SCRG1: variants seen among roughly 807,000 people sequenced by gnomAD.
The protein encoded by SCRG1 is scrapie-responsive protein 1.
A neutral mutation model predicts 7.7 loss-of-function variants in SCRG1; 3 were observed. That is an observed-to-expected ratio of 0.39 (90% CI 0.18 to 1.01). SCRG1 has a LOEUF of 1.01. SCRG1 is among the 50% of genes least tolerant of loss of function. The probability of loss-of-function intolerance (pLI) is 0.36; values close to 1 mark genes in which losing one functional copy is unlikely to be tolerated. For synonymous variants in SCRG1, 46 were observed against 41.2 expected (o/e 1.12, Z -0.44); for missense variants, 110 against 117.2 (o/e 0.94, Z 0.28).
chr4:173,479,508 T>A, the SCRG1 span, among the ~76,000 whole-genome samples: 1 of 149,430 alleles, frequency 6.7e-6, no homozygotes, highest in East Asian at 2.1e-4. Flanking sequence ...TGGCATGATC[T>A]AGGATCACTG....
At chr4:173,486,186 A>G in the SCRG1 span, among the ~76,000 whole-genome samples, 12 of 152,266 alleles carry the variant, frequency 7.9e-5, no homozygotes, top group Non-Finnish European at 1.6e-4. Flanking sequence ...GTGTTTAGGC[A>G]TCTCTTTCAT....
chr4:173,485,575 G>A, the SCRG1 span, among the ~76,000 whole-genome samples: 2 of 152,164 alleles, frequency 1.3e-5, no homozygotes, highest in Admixed American at 1.3e-4. Context: ...TAAGTTTTGC[G>A]ATAGTTTGTT....
chr4:173,414,938 A>G, the SCRG1 span, among the ~76,000 whole-genome samples: 2 of 152,230 alleles, frequency 1.3e-5, no homozygotes, highest in Non-Finnish European at 2.9e-5. Context: ...TTTGGTAACC[A>G]GTAGTTTTTG....
the SCRG1 span, among the ~76,000 whole-genome samples, chr4:173,436,717 C>A: frequency 6.6e-6 from 1 of 152,056 alleles, no homozygotes; most frequent in African/African-American, 2.4e-5. Flanking sequence ...GTACACAAAT[C>A]ATTTGTGTGT....
upstream of SCRG1, among the ~76,000 whole-genome samples, chr4:173,408,259 G>A (rs777711122): frequency 6.6e-5 from 10 of 152,130 alleles, no homozygotes; most frequent in East Asian, 5.8e-4. Flanking sequence ...ACAATTCTAC[G>A]AAAAAAACCC....
At chr4:173,399,356 G>A (rs1739693335), upstream of SCRG1, 1 of 152,108 alleles carries the variant, frequency 6.6e-6, no homozygotes, top group Non-Finnish European at 1.5e-5. Context: ...CTTTACAGAG[G>A]GAAATAACTA....
the SCRG1 span, among the ~76,000 whole-genome samples, chr4:173,463,180 C>T: frequency 6.6e-6 from 1 of 152,156 alleles, no homozygotes; most frequent in Non-Finnish European, 1.5e-5. Context: ...GGAAGAGCTG[C>T]CTTGGGTGTA....
upstream of SCRG1, among the ~76,000 whole-genome samples, chr4:173,403,823 A>T (rs760988366): frequency 6.6e-6 from 1 of 152,158 alleles, no homozygotes; most frequent in Non-Finnish European, 1.5e-5. Flanking sequence ...TTTATTGGAG[A>T]CAACCTACTC....
chr4:173,419,786 T>C, the SCRG1 span: 1 of 1,461,414 alleles, frequency 6.8e-7, no homozygotes, highest in Non-Finnish European at 9.5e-7. Context: ...TTCCACATTG[T>C]ATTCATTGCC....
upstream of SCRG1, among the ~76,000 whole-genome samples, chr4:173,410,141 A>G (rs1242685448): frequency 6.6e-6 from 1 of 152,228 alleles, no homozygotes; most frequent in Non-Finnish European, 1.5e-5. Flanking sequence ...GAGGTCTCCC[A>G]AGAAGAGAGA....
chr4:173,489,519 T>TTG, the SCRG1 span, among the ~76,000 whole-genome samples: 3 of 151,984 alleles, frequency 2.0e-5, no homozygotes, highest in Middle Eastern at 3.4e-3. Flanking sequence ...AATTTTTTTT[T>TTG]TTTGTTTGTT....
chr4:173,421,967 G>A, the SCRG1 span, among the ~76,000 whole-genome samples: 18 of 152,270 alleles, frequency 1.2e-4, no homozygotes, highest in African/African-American at 4.1e-4. Context: ...TAAATTGCAA[G>A]CATGATCATC....
At chr4:173,508,582 G>A in the SCRG1 span, among the ~76,000 whole-genome samples, 1 of 152,162 alleles carries the variant, frequency 6.6e-6, no homozygotes, top group Admixed American at 6.5e-5. The surrounding 1 kb of genome is among the most constrained non-coding windows in gnomAD (Gnocchi z 4.4). Flanking sequence ...CCCAGCCACC[G>A]CGGTAGGTGG....
At chr4:173,492,456 T>C in the SCRG1 span, among the ~76,000 whole-genome samples, 2 of 152,158 alleles carry the variant, frequency 1.3e-5, no homozygotes, top group Non-Finnish European at 2.9e-5. Flanking sequence ...GAGTCTACAC[T>C]ACTCCATGCC....
At chr4:173,458,600 T>C in the SCRG1 span, among the ~76,000 whole-genome samples, 17 of 152,220 alleles carry the variant, frequency 1.1e-4, no homozygotes, top group East Asian at 2.3e-3. Context: ...TGGTAAAGCA[T>C]ATACACAAAG....
At chr4:173,409,653 A>G (rs1256314766), upstream of SCRG1, among the ~76,000 whole-genome samples, 2 of 150,564 alleles carry the variant, frequency 1.3e-5, no homozygotes, top group African/African-American at 4.9e-5. Flanking sequence ...CAATAGCGCA[A>G]TCTCAGCTCA....
chr4:173,474,688 C>T, the SCRG1 span, among the ~76,000 whole-genome samples: 1 of 152,208 alleles, frequency 6.6e-6, no homozygotes, highest in Admixed American at 6.5e-5. Context: ...TAGTCAGAGA[C>T]ATCCCTAGAC....
At chr4:173,411,270 A>G (rs183127307), upstream of SCRG1, among the ~76,000 whole-genome samples, 2 of 152,378 alleles carry the variant, frequency 1.3e-5, no homozygotes, top group East Asian at 3.9e-4. Flanking sequence ...TAAAAGCCTA[A>G]CTTAGCAATT....
At chr4:173,439,265 G>A in the SCRG1 span, among the ~76,000 whole-genome samples, 1 of 152,088 alleles carries the variant, frequency 6.6e-6, no homozygotes, top group East Asian at 1.9e-4. Context: ...AGATTTTTGG[G>A]CCTATAATCC....
Sources: allele counts gnomAD v4.1 joint callset (sites outside exome capture counted in the v4.1 genomes callset), GRCh38; gene constraint gnomAD v4.1.1; non-coding constraint Gnocchi (gnomAD v3.1); transcripts MANE v1.5; gene names NCBI Gene and HGNC (gene_info 2026-07-23, HGNC 2026-07-21).